Variants in SPIDR observed in about 807,000 individuals in gnomAD.
SPIDR encodes scaffold protein involved in DNA repair.
In SPIDR, 93 loss-of-function variants were observed where a neutral mutation model predicts 104.6. The ratio of observed to expected loss-of-function variants is 0.89; its 90% CI spans 0.75 to 1.06. The LOEUF is 1.06. Among genes scored for constraint, SPIDR ranks in the 50% least tolerant of loss-of-function variants. The pLI is 0.00. For missense variants in SPIDR, 1,154 were observed against 1,111.2 expected (o/e 1.04, Z -0.55); for synonymous variants, 431 against 416.9 (o/e 1.03, Z -0.41).
chr8:47,457,589 CT>C (rs1333779424), intron 8 of SPIDR, among the ~76,000 whole-genome samples: 32 of 152,032 alleles, frequency 2.1e-4, no homozygotes, highest in Non-Finnish European at 4.4e-4. Context: ...TGCAAAAGCT[CT>C]TTAGTTTAAT....
chr8:47,598,633 TTGAATTATCA>T lies in SPIDR; in HGVS notation c.1294-304_1294-295del, dbSNP rs1402230128. Among the ~76,000 whole-genome samples, 4 of 152,328 alleles carry T rather than the reference TTGAATTATCA, an allele frequency of 2.6e-5. No individual in the cohort carries two copies. In the East Asian group the frequency reaches 5.8e-4, roughly 22 times the overall value. ...TCTTACCTCAAAAGAGAAAAATTTA[TTGAATTATCA>T]TGAATTATTTTATTAGCAGAACTTC... On this transcript the variant is annotated intron_variant, in intron 9 of 19. Coordinates refer to ENST00000297423, the MANE Select transcript of SPIDR (RefSeq NM_001080394.4).
intron 10 of SPIDR, among the ~76,000 whole-genome samples, chr8:47,654,992 C>G (rs2072464350): frequency 6.6e-6 from 1 of 151,944 alleles, no homozygotes; most frequent in Non-Finnish European, 1.5e-5. Flanking sequence ...TTTTCTGTCC[C>G]TGTGATAGTT....
At chr8:47,550,936 A>G (rs2090354806) in intron 8 of SPIDR, among the ~76,000 whole-genome samples, 1 of 152,178 alleles carries the variant, frequency 6.6e-6, no homozygotes. Context: ...ATTTTGAGAT[A>G]TGTTCCATCA....
intron 8 of SPIDR, among the ~76,000 whole-genome samples, chr8:47,549,469 G>A (rs988556174): frequency 2.6e-5 from 4 of 152,152 alleles, no homozygotes; most frequent in Admixed American, 6.5e-5. Flanking sequence ...ATTCTAACTG[G>A]TGTGAGATAC....
At position 47,396,493 on chromosome 8, in the gene SPIDR, G is replaced by A; in HGVS notation, c.643G>A (p.Asp215Asn). Reference sequence around the variant, plus strand: ...CAAATACCACGTGCAGTTTGCATCGGATGCAAGACAGATTATGGAGAGACT... The same window carrying A: ...CAAATACCACGTGCAGTTTGCATCGAATGCAAGACAGATTATGGAGAGACT... ...PHKYHVQFAS[D>N]ARQIMERLID... Residue 215 changes from aspartate to asparagine, a missense_variant, in exon 6 of 20, where the codon GAT (aspartate) becomes AAT (asparagine). By Grantham distance (23) the Asp-to-Asn change is conservative. Coordinates refer to ENST00000297423, the MANE Select transcript of SPIDR (RefSeq NM_001080394.4). The A allele has an allele frequency of 6.2e-7, 1 of 1,614,012 alleles. No individual in the cohort carries two copies. Among genetic ancestry groups the A allele is most frequent in the Non-Finnish European group, 8.5e-7 (1 of 1,180,020 alleles).
intron 10 of SPIDR, among the ~76,000 whole-genome samples, chr8:47,613,440 A>C (rs1411472162): frequency 2.0e-5 from 3 of 152,224 alleles, no homozygotes; most frequent in African/African-American, 7.2e-5. Flanking sequence ...TATTATGAAT[A>C]ATGTTGCTAC....
chr8:47,320,264 A>G (rs2046292738), intron 5 of SPIDR, among the ~76,000 whole-genome samples: 1 of 152,186 alleles, frequency 6.6e-6, no homozygotes, highest in African/African-American at 2.4e-5. Context: ...GATAAAGGAG[A>G]TATCACCACT....
At chr8:47,428,071 C>T (rs560168015) in intron 7 of SPIDR, among the ~76,000 whole-genome samples, 28 of 152,306 alleles carry the variant, frequency 1.8e-4, no homozygotes, top group Non-Finnish European at 3.4e-4. Flanking sequence ...TACAGACGTG[C>T]GCCACGACGC....
At chr8:47,717,852 A>C (rs141439901) in intron 16 of SPIDR, among the ~76,000 whole-genome samples, 4 of 152,350 alleles carry the variant, frequency 2.6e-5, no homozygotes, top group African/African-American at 9.6e-5. Context: ...AGCAGTTCAG[A>C]TTCTTAAGCA....
chr8:47,355,323 T>TA, intron 5 of SPIDR, among the ~76,000 whole-genome samples: 1 of 29,472 alleles, frequency 3.4e-5, no homozygotes, highest in South Asian at 8.1e-4. Context: ...GAATGTGTGA[T>TA]TTTTTTTTTT....
intron 8 of SPIDR, among the ~76,000 whole-genome samples, chr8:47,518,659 C>T (rs1352523702): frequency 5.4e-5 from 8 of 147,722 alleles, no homozygotes; most frequent in Admixed American, 2.7e-4. Context: ...TTTTTTGAGA[C>T]GGAGTCTTGC....
intron 5 of SPIDR, chr8:47,357,776 GA>G (rs1554626744): frequency 2.7e-5 from 22 of 820,222 alleles, no homozygotes; most frequent in Non-Finnish European, 2.8e-5. Context: ...TTGGAGTTCT[GA>G]AAAAAAATTA....
intron 5 of SPIDR, among the ~76,000 whole-genome samples, chr8:47,380,306 C>A (rs73565220): frequency 6.6e-6 from 1 of 152,148 alleles, no homozygotes; most frequent in African/African-American, 2.4e-5. Flanking sequence ...CCAGACAGGT[C>A]GTATCACAGT....
rs545338461 is a variant in SPIDR, at chr8:47,425,260, C to G, written c.878-15063C>G. 7.2e-5 allele frequency among the ~76,000 whole-genome samples: 11 copies of G among 152,256 alleles called. 1 individual carries two copies. In the South Asian group the frequency reaches 2.1e-3, roughly 29 times the overall value. On this transcript the variant is annotated intron_variant, in intron 7 of 19. Transcript: ENST00000297423. Reference sequence around the variant, plus strand: ...AGGTACCAAGCTGGCAGGTCACATTCATTTACTCAGCAGTTGCTCAGCAGG... The same window carrying G: ...AGGTACCAAGCTGGCAGGTCACATTGATTTACTCAGCAGTTGCTCAGCAGG...
At chr8:47,575,628 CAG>C (rs1364515184) in intron 8 of SPIDR, among the ~76,000 whole-genome samples, 1 of 121,416 alleles carries the variant, frequency 8.2e-6, no homozygotes, top group Non-Finnish European at 1.6e-5. Flanking sequence ...GCCTGGGCGA[CAG>C]AGAGAGACTC....
At chr8:47,581,467 C>T (rs1291472831) in intron 8 of SPIDR, among the ~76,000 whole-genome samples, 1 of 152,062 alleles carries the variant, frequency 6.6e-6, no homozygotes, top group African/African-American at 2.4e-5. Context: ...GGTTTTCTCC[C>T]CCAAATTAAT....
intron 8 of SPIDR, among the ~76,000 whole-genome samples, chr8:47,460,604 T>C (rs1462840761): frequency 1.3e-5 from 2 of 152,214 alleles, no homozygotes; most frequent in African/African-American, 4.8e-5. Flanking sequence ...TTATCCATTC[T>C]GCTATTCTGT....
chr8:47,440,185 T>C (rs2069135885), intron 7 of SPIDR, 138 bp from the exon 8 acceptor site: 1 of 689,244 alleles, frequency 1.5e-6, no homozygotes, highest in Non-Finnish European at 2.4e-6. Flanking sequence ...CTGTTTTACT[T>C]TGCAAAATGT....
chr8:47,699,102 A>T (rs1192827395), intron 11 of SPIDR, among the ~76,000 whole-genome samples: 4 of 152,346 alleles, frequency 2.6e-5, no homozygotes, highest in African/African-American at 9.6e-5. Context: ...TAACACTAGG[A>T]TTAAAATCCT....
Sources: gnomAD v4.1 joint callset for allele counts (sites outside exome capture counted in the v4.1 genomes callset) on GRCh38, gnomAD v4.1.1 for gene constraint, MANE v1.5 for transcripts, NCBI Gene and HGNC (gene_info 2026-07-23, HGNC 2026-07-21) for gene names.